IQGAP2: variants seen among roughly 807,000 people sequenced by gnomAD.
IQGAP2 encodes IQ motif containing GTPase activating protein 2, also known as ras GTPase-activating-like protein IQGAP2.
Under a neutral mutation model 201.3 loss-of-function variants are expected in IQGAP2, and 173 were observed. The ratio of observed to expected loss-of-function variants is 0.86; its 90% CI spans 0.76 to 0.98. The LOEUF (loss-of-function observed/expected upper bound fraction) is 0.98. Ranked by LOEUF, IQGAP2 falls within the 50% of genes least tolerant of loss-of-function variation. The pLI is 0.00. For missense variants in IQGAP2, 1,687 were observed against 1,864.8 expected, an observed-to-expected ratio of 0.90 and a Z score of 1.76; for synonymous variants, 675 against 673.9, an observed-to-expected ratio of 1.00 and a Z score of -0.03.
At chr5:76,579,300 A>G (rs567920471) in intron 5 of IQGAP2, among the ~76,000 whole-genome samples, 1 of 152,288 alleles carries the variant, frequency 6.6e-6, no homozygotes, top group South Asian at 2.1e-4. Flanking sequence ...AAACAAAAGA[A>G]TACCCTTTCA....
At chr5:76,408,986 G>A (rs1379882783) in intron 1 of IQGAP2, among the ~76,000 whole-genome samples, 4 of 151,886 alleles carry the variant, frequency 2.6e-5, no homozygotes, top group Non-Finnish European at 5.9e-5. Context: ...TAGAGGTGGG[G>A]TTTCCCCGTG....
At chr5:76,498,594 G>T (rs1757111766) in intron 2 of IQGAP2, among the ~76,000 whole-genome samples, 1 of 152,200 alleles carries the variant, frequency 6.6e-6, no homozygotes, top group Non-Finnish European at 1.5e-5. Flanking sequence ...TCTCCTTTGT[G>T]AAATAGGGAG....
chr5:76,682,308 G>A (rs965686174), intron 28 of IQGAP2, among the ~76,000 whole-genome samples: 1 of 152,164 alleles, frequency 6.6e-6, no homozygotes, highest in Non-Finnish European at 1.5e-5. Flanking sequence ...AATAGTTGCT[G>A]AGAACAACAA....
chr5:76,628,343 T>C (rs1458918269), intron 14 of IQGAP2, among the ~76,000 whole-genome samples: 2 of 152,188 alleles, frequency 1.3e-5, no homozygotes, highest in Non-Finnish European at 2.9e-5. Flanking sequence ...AATAGAATAT[T>C]AGCTCAGATC....
chr5:76,438,287 T>C (rs1752833869), intron 1 of IQGAP2, among the ~76,000 whole-genome samples: 2 of 152,140 alleles, frequency 1.3e-5, no homozygotes, highest in South Asian at 4.1e-4. Flanking sequence ...CTTTTCAGGA[T>C]TTCTGTCTCT....
intron 4 of IQGAP2, among the ~76,000 whole-genome samples, chr5:76,571,480 C>T (rs1382439551): frequency 3.3e-5 from 5 of 152,076 alleles, no homozygotes; most frequent in Non-Finnish European, 5.9e-5. Flanking sequence ...CTACCATGCC[C>T]GGCGTATAAA....
In IQGAP2 at chr5:76,545,171, T is replaced by C. The variant is rs150898922; in HGVS notation, c.147-17225T>C. 2.0e-5 allele frequency among the ~76,000 whole-genome samples: 3 copies of C among 152,354 alleles called. No homozygotes were observed. The East Asian group carries it at 5.8e-4, about 29-fold the overall frequency. Reference sequence around the variant, plus strand: ...TAGCGATATGATTAAATATTTCTTATTAATGATGATTTCCTGCAGCCTTTC... The same window carrying C: ...TAGCGATATGATTAAATATTTCTTACTAATGATGATTTCCTGCAGCCTTTC... On this transcript the variant is annotated intron_variant, in intron 2 of 35. Coordinates refer to ENST00000274364, the MANE Select transcript of IQGAP2 (RefSeq NM_006633.5).
At chr5:76,649,576 C>A (rs955391580) in intron 17 of IQGAP2, among the ~76,000 whole-genome samples, 1 of 152,216 alleles carries the variant, frequency 6.6e-6, no homozygotes, top group African/African-American at 2.4e-5. Context: ...TGTTGTGGCT[C>A]TGAATGAAGC....
chr5:76,547,752 G>A (rs873787), intron 2 of IQGAP2, among the ~76,000 whole-genome samples: 8,945 of 152,206 alleles, frequency 0.059, 691 homozygotes, highest in East Asian at 0.42. Context: ...AAAACTGAAG[G>A]TGCTTTGCAC....
chr5:76,554,157 A>G (rs969528681), intron 2 of IQGAP2, among the ~76,000 whole-genome samples: 86 of 152,338 alleles, frequency 5.6e-4, no homozygotes, highest in African/African-American at 1.9e-3. Context: ...GCCACATGCA[A>G]AAGAATGAAG....
At chr5:76,431,073 G>A (rs1246175913) in intron 1 of IQGAP2, among the ~76,000 whole-genome samples, 3 of 151,966 alleles carry the variant, frequency 2.0e-5, no homozygotes, top group Admixed American at 1.3e-4. Flanking sequence ...TTATCTTAAC[G>A]TGTACATATA....
chr5:76,545,467 T>C (rs1369477039), intron 2 of IQGAP2, among the ~76,000 whole-genome samples: 1 of 152,202 alleles, frequency 6.6e-6, no homozygotes, highest in East Asian at 1.9e-4. Flanking sequence ...CCCTAAAAGT[T>C]ATTTCCTTTT....
intron 9 of IQGAP2, 66 bp from the exon 10 acceptor site, chr5:76,597,373 G>C: frequency 6.6e-7 from 1 of 1,518,122 alleles, no homozygotes; most frequent in Non-Finnish European, 9.1e-7. Context: ...GGGAAGAAGG[G>C]CTGGTTGGGT....
At chr5:76,527,664 CT>C (rs1382935486) in intron 2 of IQGAP2, among the ~76,000 whole-genome samples, 7 of 152,190 alleles carry the variant, frequency 4.6e-5, no homozygotes, top group Admixed American at 3.9e-4. Flanking sequence ...TACAAGGTTC[CT>C]GTGCCTTGGC....
chr5:76,677,598 A>C (rs1744932545), intron 28 of IQGAP2: 1 of 304,546 alleles, frequency 3.3e-6, no homozygotes, highest in Non-Finnish European at 6.0e-6. Context: ...ACTTCTCCCC[A>C]AAAAAGAAAG....
chr5:76,463,886 C>T (rs917790996), intron 2 of IQGAP2, among the ~76,000 whole-genome samples: 1 of 149,470 alleles, frequency 6.7e-6, no homozygotes. Flanking sequence ...CTCACTCTGT[C>T]GCCCAGGCTA....
At chr5:76,546,381 G>T (rs1262587576) in intron 2 of IQGAP2, among the ~76,000 whole-genome samples, 1 of 152,182 alleles carries the variant, frequency 6.6e-6, no homozygotes, top group Non-Finnish European at 1.5e-5. Flanking sequence ...GTTGCAGTGA[G>T]CTGAGATCAT....
At chr5:76,551,602 C>T (rs987786577) in intron 2 of IQGAP2, among the ~76,000 whole-genome samples, 25 of 152,118 alleles carry the variant, frequency 1.6e-4, no homozygotes, top group African/African-American at 5.8e-4. Context: ...TCTGCAATCC[C>T]GGCACCTCGG....
chr5:76,609,241 C>G, intron 12 of IQGAP2: 1 of 1,535,750 alleles, frequency 6.5e-7, no homozygotes, highest in South Asian at 1.2e-5. Flanking sequence ...GTATTTAGAA[C>G]AGCTTACCCA....
Sources: gnomAD v4.1 joint callset for allele counts (sites outside exome capture counted in the v4.1 genomes callset) on GRCh38, gnomAD v4.1.1 for gene constraint, MANE v1.5 for transcripts, NCBI Gene and HGNC (gene_info 2026-07-23, HGNC 2026-07-21) for gene names.